Variants in CASP2 observed in about 807,000 individuals in gnomAD.
CASP2 encodes the protein caspase-2.
Under a neutral mutation model 54.4 loss-of-function variants are expected in CASP2, and 38 were observed. The ratio of observed to expected loss-of-function variants is 0.70; its 90% CI spans 0.54 to 0.92. CASP2 has a LOEUF of 0.92. Ranked by LOEUF, CASP2 falls within the 40% of genes least tolerant of loss-of-function variation. The pLI is 0.00. For missense variants in CASP2, 512 were observed against 579.6 expected, an observed-to-expected ratio of 0.88 and a Z score of 1.20; for synonymous variants, 215 against 216.3, an observed-to-expected ratio of 0.99 and a Z score of 0.05.
intron 6 of CASP2, among the ~76,000 whole-genome samples, chr7:143,297,356 TC>T (rs77251831): frequency 0.012 from 1,790 of 152,360 alleles, 14 homozygotes; most frequent in Non-Finnish European, 0.018. Context: ...GTGCGTGTAT[TC>T]TTTTTTTGGA....
At chr7:143,295,279 C>T (rs1801711235) in intron 6 of CASP2, among the ~76,000 whole-genome samples, 1 of 152,154 alleles carries the variant, frequency 6.6e-6, no homozygotes, top group Admixed American at 6.5e-5. Context: ...CCGTCCCCCT[C>T]GGCCTCCCAA....
chr7:143,290,393 A>C (rs1350953812), intron 1 of CASP2, among the ~76,000 whole-genome samples: 1 of 152,020 alleles, frequency 6.6e-6, no homozygotes, highest in Non-Finnish European at 1.5e-5. Flanking sequence ...TAGAAATCAG[A>C]ATGCATTTTA....
chr7:143,300,415 A>C (rs748774523), intron 8 of CASP2, 121 bp downstream of exon 8: 2 of 1,598,318 alleles, frequency 1.3e-6, no homozygotes, highest in Non-Finnish European at 1.7e-6. Context: ...CCTTCTGTTC[A>C]CTGCTGCCAC....
intron 6 of CASP2, 82 bp downstream of exon 6, chr7:143,294,855 C>T: frequency 1.6e-6 from 2 of 1,230,912 alleles, no homozygotes; most frequent in Middle Eastern, 1.9e-4. Flanking sequence ...TGTTCCTGTG[C>T]CTGCTGGGAT....
chr7:143,299,687 T>C (rs1801857816), intron 6 of CASP2, among the ~76,000 whole-genome samples: 1 of 152,196 alleles, frequency 6.6e-6, no homozygotes, highest in African/African-American at 2.4e-5. Context: ...TGTTTGCCTA[T>C]CTCAGTGAGT....
Position 143,305,153 on chromosome 7 carries a change from C to A in CASP2, c.*82C>A. ...TAGAGCCTTTGATCTTCAGGATGCACGGTTTCTGTTCTGCCCCCTCAGGGA... is the reference window on the plus strand; with the variant it reads ...TAGAGCCTTTGATCTTCAGGATGCAAGGTTTCTGTTCTGCCCCCTCAGGGA... On this transcript the variant is annotated 3_prime_UTR_variant, in exon 11 of 11. Transcript: ENST00000310447. 6.4e-7 allele frequency: 1 copy of A among 1,554,030 alleles called. No homozygotes were observed. Among genetic ancestry groups the A allele is most frequent in the Non-Finnish European group, 8.9e-7 (1 of 1,128,286 alleles).
intron 9 of CASP2, among the ~76,000 whole-genome samples, 177 bp from the exon 10 acceptor site, chr7:143,304,497 C>T (rs906718032): frequency 6.6e-6 from 1 of 152,166 alleles, no homozygotes; most frequent in African/African-American, 2.4e-5. Flanking sequence ...GGTCTGGAAA[C>T]AGACCTACGG....
chr7:143,292,936 A>G (rs1432401068), intron 4 of CASP2, among the ~76,000 whole-genome samples: 2 of 152,070 alleles, frequency 1.3e-5, no homozygotes, highest in African/African-American at 4.8e-5. Context: ...GCTAGAACCC[A>G]GGAGACGGAG....
In CASP2 at chr7:143,288,434, G is replaced by A; in HGVS notation, c.-22G>A. ...TTTGGGCTGTGGGCGGTGCGCAGCG[G>A]AGAGCCCGGGAAAAGCGGGAAATGG... On this transcript the variant is annotated 5_prime_UTR_variant, in exon 1 of 11. Transcript: ENST00000310447. 1.2e-6 allele frequency: 2 copies of A among 1,611,620 alleles called. No homozygotes were observed. The highest frequency in any genetic ancestry group is 1.7e-6 in the Non-Finnish European group (2 of 1,179,218).
chr7:143,299,782 C>T (rs1471537758), intron 6 of CASP2, 141 bp from the exon 7 acceptor site: 5 of 886,702 alleles, frequency 5.6e-6, no homozygotes, highest in African/African-American at 1.7e-5. Flanking sequence ...CTCAAAAGGT[C>T]TCTTCTTTTA....
In CASP2 at chr7:143,296,694, G is replaced by A. The variant is rs538627507; in HGVS notation, c.747+1921G>A. On this transcript the variant is annotated intron_variant, in intron 6 of 10. Coordinates refer to ENST00000310447, the MANE Select transcript of CASP2 (RefSeq NM_032982.4). ...TGGGATCTCCCTAGAGAGTCAACTC[G>A]TTTATCATATAGCTATTTGGCAAGC... Among the ~76,000 whole-genome samples the A allele has an allele frequency of 1.5e-4, 23 of 149,760 alleles. No individual in the cohort carries two copies. In the South Asian group the frequency reaches 3.4e-3, roughly 22 times the overall value.
intron 2 of CASP2, 125 bp from the exon 3 acceptor site, chr7:143,292,175 C>T: frequency 3.4e-6 from 3 of 878,394 alleles, no homozygotes; most frequent in Middle Eastern, 3.1e-4. Context: ...AGGACTTCAC[C>T]CATACATACA....
chr7:143,297,421 C>T (rs1220572229), intron 6 of CASP2, among the ~76,000 whole-genome samples: 3 of 152,008 alleles, frequency 2.0e-5, no homozygotes, highest in Non-Finnish European at 2.9e-5. Flanking sequence ...GCTCGTGATT[C>T]GGTGCCCAGG....
At chr7:143,291,257 G>C (rs1408515903) in intron 1 of CASP2, among the ~76,000 whole-genome samples, 3 of 152,090 alleles carry the variant, frequency 2.0e-5, no homozygotes, top group Non-Finnish European at 2.9e-5. Flanking sequence ...TGTGTACTTG[G>C]GGGTATTGTT....
intron 6 of CASP2, among the ~76,000 whole-genome samples, 181 bp downstream of exon 6, chr7:143,294,954 C>T (rs1266233269): frequency 1.3e-5 from 2 of 152,086 alleles, no homozygotes; most frequent in Admixed American, 6.5e-5. Flanking sequence ...GAATTAGGGC[C>T]GGCCAGCCAT....
rs370870554 is a variant in CASP2, at chr7:143,303,961, C to T, written c.1117+28C>T. 1.9e-5 allele frequency: 29 copies of T among 1,557,242 alleles called. No individual in the cohort carries two copies. In the African/African-American group the frequency reaches 3.8e-4, roughly 20 times the overall value. On this transcript the variant is annotated intron_variant, in intron 9 of 10. Coordinates refer to ENST00000310447, the MANE Select transcript of CASP2 (RefSeq NM_032982.4). ...ACTTTGAGTTCCAAAAGAGTTGAGT[C>T]ATACCTCATTTTGTTGCACTTTGCT...
Position 143,292,399 on chromosome 7 carries a change from A to T in CASP2, c.325A>T (p.Thr109Ser). Reference protein sequence around the residue: ...FDAFCEALRETKQGHLEDMLL... With the variant: ...FDAFCEALRESKQGHLEDMLL... ...TGCCTTCTGTGAAGCACTGAGGGAG[A>T]CCAAGCAAGGCCACCTGGAGGATAT... Residue 109 changes from threonine (T) to serine (S), a missense_variant, in exon 3 of 11, where the codon ACC becomes TCC. Coordinates refer to ENST00000310447, the MANE Select transcript of CASP2 (RefSeq NM_032982.4). The T allele has an allele frequency of 6.2e-7, 1 of 1,614,048 alleles. No individual in the cohort carries two copies. Among genetic ancestry groups the T allele is most frequent in the Non-Finnish European group, 8.5e-7 (1 of 1,180,004 alleles).
chr7:143,294,638 G>A lies in CASP2; in HGVS notation c.612G>A (p.Val204=). ...LQSRPRGLAL[V]LSNVHFTGEK... ...CTCGGCCTCGTGGCCTAGCACTGGT[G>A]TTGAGCAATGTGCACTTCACTGGAG... Residue 204 remains valine (V), a synonymous_variant, in exon 6 of 11, where the codon GTG becomes GTA. Coordinates refer to ENST00000310447, the MANE Select transcript of CASP2 (RefSeq NM_032982.4). 6.2e-7 allele frequency: 1 copy of A among 1,614,240 alleles called. No individual in the cohort carries two copies. Among genetic ancestry groups the A allele is most frequent in the Non-Finnish European group, 8.5e-7 (1 of 1,180,028 alleles).
chr7:143,290,435 T>C (rs1053036257), intron 1 of CASP2, among the ~76,000 whole-genome samples: 1 of 152,156 alleles, frequency 6.6e-6, no homozygotes, highest in Non-Finnish European at 1.5e-5. Flanking sequence ...ATGGAAGTTA[T>C]TGTATTTTCA....
Sources: gnomAD v4.1 joint callset for allele counts (sites outside exome capture counted in the v4.1 genomes callset) on GRCh38, gnomAD v4.1.1 for gene constraint, MANE v1.5 for transcripts, NCBI Gene and HGNC (gene_info 2026-07-23, HGNC 2026-07-21) for gene names.